The following PIEZO2 variants were observed in gnomAD, a reference collection of about 807,000 sequenced individuals.
PIEZO2 encodes piezo-type mechanosensitive ion channel component 2.
Under a neutral mutation model 337.3 loss-of-function variants are expected in PIEZO2, and 172 were observed. The ratio of observed to expected loss-of-function variants is 0.51; its 90% CI spans 0.45 to 0.58. The LOEUF (loss-of-function observed/expected upper bound fraction) is 0.58, where lower values mean the gene tolerates loss of function less well. PIEZO2 is among the 20% of genes least tolerant of loss of function. PIEZO2 has a pLI of 0.00. For missense variants in PIEZO2, 3,028 were observed against 3,391.3 expected (o/e 0.89, Z 2.66); for synonymous variants, 1,251 against 1,228.5 (o/e 1.02, Z -0.38).
intron 21 of PIEZO2, among the ~76,000 whole-genome samples, chr18:10,764,589 CA>C (rs35057417): frequency 8.9e-4 from 128 of 143,166 alleles, no homozygotes; most frequent in East Asian, 4.2e-3. Flanking sequence ...CACTACGTCT[CA>C]AAAAAAAAAA....
chr18:10,702,307 A>C (rs879398895), intron 42 of PIEZO2, 136 bp from the exon 43 acceptor site: 1 of 761,018 alleles, frequency 1.3e-6, no homozygotes, highest in Non-Finnish European at 2.0e-6. Flanking sequence ...GCACATAATT[A>C]TGTGGAATAG....
At chr18:11,014,649 AT>A (rs2036033434) in intron 2 of PIEZO2, among the ~76,000 whole-genome samples, 1 of 126,180 alleles carries the variant, frequency 7.9e-6, no homozygotes, top group Non-Finnish European at 1.6e-5. Flanking sequence ...ACAGCGATCC[AT>A]GACCCCCTCA....
intron 23 of PIEZO2, 71 bp downstream of exon 23, chr18:10,762,420 GTTAAGCGTC>G: frequency 6.8e-7 from 1 of 1,463,814 alleles, no homozygotes; most frequent in Non-Finnish European, 9.1e-7. Context: ...CAAATGTGAT[GTTAAGCGTC>G]TCATGGAAAA....
intron 2 of PIEZO2, among the ~76,000 whole-genome samples, chr18:11,013,176 G>A (rs2035964481): frequency 6.6e-6 from 1 of 152,226 alleles, no homozygotes; most frequent in Non-Finnish European, 1.5e-5. Context: ...AGTTCATTAT[G>A]TTGAGATTGA....
chr18:11,039,953 C>T (rs2037060781), intron 2 of PIEZO2, among the ~76,000 whole-genome samples: 1 of 152,174 alleles, frequency 6.6e-6, no homozygotes, highest in Non-Finnish European at 1.5e-5. Flanking sequence ...CACACAGACT[C>T]TGCTTTTTAA....
rs1388586374 is a variant in PIEZO2, at chr18:11,128,356, G to T, written c.64+20169C>A. Among the ~76,000 whole-genome samples, 1 of 152,144 alleles carries T rather than the reference G, an allele frequency of 6.6e-6. No individual in the cohort carries two copies. The highest frequency in any genetic ancestry group is 1.9e-4 in the East Asian group (1 of 5,188). The stretch of plus-strand genomic sequence containing the variant: ...ACAAGCTCTTATCATGAGAGTGGCT[G>T]ACCTGCAACGAAAGATACATGCACA... On this transcript the variant is annotated intron_variant, in intron 1 of 55. Transcript: ENST00000674853. The surrounding 1 kb of genome is among the most constrained non-coding windows in gnomAD (Gnocchi z 4.1).
chr18:10,731,666 A>C (rs1344026468), intron 35 of PIEZO2, 145 bp from the exon 36 acceptor site: 7 of 369,708 alleles, frequency 1.9e-5, no homozygotes, highest in Non-Finnish European at 3.1e-5. Context: ...CATGAGATTC[A>C]ATTTTTTTTT....
At chr18:10,925,800 C>T (rs1176262007) in intron 3 of PIEZO2, among the ~76,000 whole-genome samples, 1 of 152,132 alleles carries the variant, frequency 6.6e-6, no homozygotes, top group African/African-American at 2.4e-5. Context: ...GATCTCCTGA[C>T]CTCGTGATCT....
chr18:10,968,225 T>C (rs1032540811), intron 3 of PIEZO2, among the ~76,000 whole-genome samples: 1 of 152,226 alleles, frequency 6.6e-6, no homozygotes, highest in Admixed American at 6.5e-5. Flanking sequence ...TCACTTTATG[T>C]TCTTGTTTGC....
intron 7 of PIEZO2, among the ~76,000 whole-genome samples, chr18:10,807,877 T>A (rs142054776): frequency 2.6e-5 from 4 of 152,362 alleles, no homozygotes; most frequent in African/African-American, 9.6e-5. Flanking sequence ...CTTTGAAATA[T>A]GACTTTGAGT....
chr18:10,990,557 A>G lies in PIEZO2; in HGVS notation c.161-10897T>C, dbSNP rs142776643. On this transcript the variant is annotated intron_variant, in intron 2 of 55. Coordinates refer to ENST00000674853, the MANE Select transcript of PIEZO2 (RefSeq NM_001378183.1). ...CCAAGCCCTTGAAACTAAAATTTTC[A>G]TATGAAAGTTTACTTATAAGACAAA... 4.3e-4 allele frequency among the ~76,000 whole-genome samples: 66 copies of G among 152,214 alleles called. No individual in the cohort carries two copies. In the East Asian group the frequency reaches 0.011, roughly 26 times the overall value.
chr18:11,090,853 G>A (rs1184742771), intron 1 of PIEZO2, among the ~76,000 whole-genome samples: 3 of 149,410 alleles, frequency 2.0e-5, no homozygotes, highest in Non-Finnish European at 4.4e-5. Context: ...GGCAAAGCTT[G>A]CAGTGAGCCG....
chr18:10,794,920 C>G lies in PIEZO2; in HGVS notation c.1610G>C (p.Arg537Thr). Residue 537 changes from arginine (R) to threonine (T), a missense_variant, in exon 13 of 56, where the codon AGA (arginine) becomes ACA (threonine). By Grantham distance (71) the Arg-to-Thr change is moderately conservative. This residue lies in a region of PIEZO2 where 50 missense variants were observed against 88.2 expected (regional missense o/e 0.57). Transcript: ENST00000674853. The surrounding 1 kb of genome is among the most constrained non-coding windows in gnomAD (Gnocchi z 6.6). ...GGGAGAGCTGATCATGGCATATTTTCTTCTGTTGCGAATCATCCAAAGAGT... is the reference window on the plus strand; with the variant it reads ...GGGAGAGCTGATCATGGCATATTTTGTTCTGTTGCGAATCATCCAAAGAGT... ...SCTLWMIRNR[R>T]KYAMISSPFM... is the part of the protein sequence containing the mutation. The G allele has an allele frequency of 6.5e-7, 1 of 1,543,756 alleles. No homozygotes were observed. The highest frequency in any genetic ancestry group is 2.0e-5 in the Admixed American group (1 of 50,998).
At chr18:10,900,619 A>G (rs559631747) in intron 4 of PIEZO2, among the ~76,000 whole-genome samples, 2 of 152,210 alleles carry the variant, frequency 1.3e-5, no homozygotes, top group South Asian at 4.1e-4. Flanking sequence ...TTGGCACGTC[A>G]GTTTTCCCTA....
At chr18:10,981,134 T>C (rs2034648243) in intron 2 of PIEZO2, among the ~76,000 whole-genome samples, 1 of 152,142 alleles carries the variant, frequency 6.6e-6, no homozygotes, top group African/African-American at 2.4e-5. Flanking sequence ...TAGAGAAACA[T>C]TAATCGTATA....
intron 1 of PIEZO2, among the ~76,000 whole-genome samples, chr18:11,068,947 T>A (rs1353209497): frequency 6.6e-6 from 1 of 151,932 alleles, no homozygotes; most frequent in Non-Finnish European, 1.5e-5. Flanking sequence ...CCTAGCAATA[T>A]ACAACCTACC....
At chr18:11,029,895 T>C (rs1321010874) in intron 2 of PIEZO2, among the ~76,000 whole-genome samples, 2 of 152,172 alleles carry the variant, frequency 1.3e-5, no homozygotes, top group African/African-American at 4.8e-5. Flanking sequence ...AATTCCACCA[T>C]GGCCATGTTC....
chr18:11,045,640 G>A (rs1269542879), intron 2 of PIEZO2, among the ~76,000 whole-genome samples: 1 of 152,136 alleles, frequency 6.6e-6, no homozygotes, highest in African/African-American at 2.4e-5. Flanking sequence ...TGGGCTTTGG[G>A]GAACTCAAAT....
Position 10,696,556 on chromosome 18 carries a change from C to T in PIEZO2, c.6828-17G>A, listed in dbSNP as rs753253945. ...TCCAGCGTCCTGCAAAATGGAGACCCCCACCCCCAACCCACTTGTTTCAGG... is the reference window on the plus strand; with the variant it reads ...TCCAGCGTCCTGCAAAATGGAGACCTCCACCCCCAACCCACTTGTTTCAGG... On this transcript the variant is annotated splice_polypyrimidine_tract_variant and intron_variant, in intron 45 of 55. Coordinates refer to ENST00000674853, the MANE Select transcript of PIEZO2 (RefSeq NM_001378183.1). 2 of 1,612,530 alleles carry T rather than the reference C, an allele frequency of 1.2e-6. No homozygotes were observed. The highest frequency in any genetic ancestry group is 1.1e-5 in the South Asian group (1 of 90,950).
Sources: allele counts gnomAD v4.1 joint callset (sites outside exome capture counted in the v4.1 genomes callset), GRCh38; gene constraint gnomAD v4.1.1; regional missense constraint gnomAD v4.1.1; non-coding constraint Gnocchi (gnomAD v3.1); transcripts MANE v1.5; gene names NCBI Gene and HGNC (gene_info 2026-07-23, HGNC 2026-07-21).